Variants in CLIC5 observed in about 807,000 individuals in gnomAD.
CLIC5 encodes CLIC family member 5, also known as chloride intracellular channel protein 5.
In CLIC5, 20 loss-of-function variants were observed where a neutral mutation model predicts 24.7. The ratio of observed to expected loss-of-function variants is 0.81; its 90% CI spans 0.57 to 1.18. CLIC5 has a LOEUF of 1.18. Among genes scored for constraint, CLIC5 ranks in the 50% most tolerant of loss-of-function variants. The pLI is 0.00. For synonymous variants in CLIC5, 159 were observed against 135.6 expected, an observed-to-expected ratio of 1.17 and a Z score of -1.20; for missense variants, 341 against 326.1, an observed-to-expected ratio of 1.05 and a Z score of -0.35.
chr6:45,972,708 C>G (rs183872894), intron 1 of CLIC5, among the ~76,000 whole-genome samples: 1 of 152,152 alleles, frequency 6.6e-6, no homozygotes, highest in Admixed American at 6.6e-5. Context: ...TGATTTATGC[C>G]TCTTAGTGTT....
At chr6:45,908,321 GT>G in intron 5 of CLIC5, among the ~76,000 whole-genome samples, 1 of 152,052 alleles carries the variant, frequency 6.6e-6, no homozygotes, top group Non-Finnish European at 1.5e-5. Flanking sequence ...TAGCTTTGAG[GT>G]TAGTTTGTTC....
the CLIC5 span, among the ~76,000 whole-genome samples, chr6:46,095,960 T>C: frequency 6.6e-6 from 1 of 152,224 alleles, no homozygotes; most frequent in African/African-American, 2.4e-5. Flanking sequence ...AACAAATACC[T>C]GACATTGGGT....
downstream of CLIC5, among the ~76,000 whole-genome samples, chr6:45,898,025 C>T (rs116008208): frequency 0.011 from 1,714 of 150,342 alleles, 37 homozygotes; most frequent in African/African-American, 0.039. Flanking sequence ...TTGTGCTTTT[C>T]GTTTTCTTCT....
intron 1 of CLIC5, among the ~76,000 whole-genome samples, chr6:46,033,598 A>G (rs1767572613): frequency 6.6e-6 from 1 of 152,234 alleles, no homozygotes; most frequent in Non-Finnish European, 1.5e-5. Flanking sequence ...GGGCCCACAC[A>G]TGGGAAGACC....
chr6:46,108,032 C>CAAAAAAAAAAAAAAAA, the CLIC5 span, among the ~76,000 whole-genome samples: 7 of 33,306 alleles, frequency 2.1e-4, no homozygotes, highest in South Asian at 1.8e-3. Flanking sequence ...AAAACTCCAT[C>CAAAAAAAAAAAAAAAA]AAAAAAAAAA....
At chr6:45,955,463 A>C (rs1246124084) in intron 1 of CLIC5, among the ~76,000 whole-genome samples, 2 of 152,218 alleles carry the variant, frequency 1.3e-5, no homozygotes, top group Non-Finnish European at 2.9e-5. Flanking sequence ...GCTGAATTGA[A>C]CTTGATGATT....
intron 1 of CLIC5, among the ~76,000 whole-genome samples, chr6:45,963,846 A>G (rs1285713366): frequency 2.0e-5 from 3 of 152,180 alleles, no homozygotes; most frequent in Non-Finnish European, 4.4e-5. Flanking sequence ...AGGTTTTCTT[A>G]TAAGTCAGAC....
chr6:46,053,531 A>C (rs577978530), intron 1 of CLIC5, among the ~76,000 whole-genome samples: 1 of 152,288 alleles, frequency 6.6e-6, no homozygotes, highest in South Asian at 2.1e-4. Flanking sequence ...CTGCTAGATG[A>C]TCTCTGAAGT....
chr6:46,087,427 C>A, the CLIC5 span, among the ~76,000 whole-genome samples: 1 of 152,100 alleles, frequency 6.6e-6, no homozygotes, highest in Non-Finnish European at 1.5e-5. Context: ...GAACTAAATA[C>A]CCTCAAGCTT....
intron 1 of CLIC5, among the ~76,000 whole-genome samples, chr6:46,031,661 C>A (rs1562014599): frequency 1.3e-5 from 2 of 151,578 alleles, no homozygotes; most frequent in Admixed American, 6.6e-5. Flanking sequence ...CTTAAGTGAG[C>A]AAAGGATGTA....
chr6:46,073,647 G>T (rs1762683017), intron 1 of CLIC5, among the ~76,000 whole-genome samples: 2 of 152,164 alleles, frequency 1.3e-5, no homozygotes, highest in Admixed American at 6.5e-5. Flanking sequence ...ACTCTTGGTT[G>T]CTCTCAGGAT....
the CLIC5 span, among the ~76,000 whole-genome samples, chr6:46,107,306 G>A: frequency 6.6e-6 from 1 of 152,078 alleles, no homozygotes; most frequent in Non-Finnish European, 1.5e-5. Context: ...TAGATTTTGA[G>A]GTCTAGGCAA....
intron 5 of CLIC5, among the ~76,000 whole-genome samples, chr6:45,903,616 A>G (rs145540530): frequency 6.6e-6 from 1 of 152,360 alleles, no homozygotes; most frequent in African/African-American, 2.4e-5. Context: ...GAATACATAC[A>G]TTATCTTACA....
At chr6:45,974,015 A>G (rs1179649330) in intron 1 of CLIC5, among the ~76,000 whole-genome samples, 2 of 152,164 alleles carry the variant, frequency 1.3e-5, no homozygotes, top group African/African-American at 4.8e-5. Context: ...CATGAGTTTG[A>G]TTCTTATGTA....
chr6:45,993,336 A>G (rs984188981), intron 1 of CLIC5, among the ~76,000 whole-genome samples: 2 of 152,250 alleles, frequency 1.3e-5, no homozygotes, highest in Non-Finnish European at 2.9e-5. Flanking sequence ...AGCATGTTTA[A>G]TATTTTATAA....
In CLIC5 at chr6:46,015,533, A is replaced by T. The variant is rs908894670; in HGVS notation, c.10T>A (p.Ser4Thr). The T allele has an allele frequency of 1.3e-6, 2 of 1,578,056 alleles. No individual in the cohort carries two copies. Among genetic ancestry groups the T allele is most frequent in the Non-Finnish European group, 1.7e-6 (2 of 1,163,720 alleles). The change falls in exon 1 of 6, where the codon TCG becomes ACG. Residue 4 changes from serine to threonine, a missense_variant. By Grantham distance (58) the Ser-to-Thr change is moderately conservative. Transcript: ENST00000339561. The stretch of plus-strand genomic sequence containing the variant: ...CTGTCGTCCCCGTTAGCTGTCGCCG[A>T]GTCTGTCATGCCGTTGGCGCCCGGG... The part of the protein sequence containing the change: MTD[S>T]ATANGDDRDP...
chr6:46,111,181 C>CTTT, the CLIC5 span, among the ~76,000 whole-genome samples: 502 of 143,122 alleles, frequency 3.5e-3, 8 homozygotes, highest in East Asian at 0.03. Flanking sequence ...CAAACCTGTC[C>CTTT]TTTTTTTTTT....
At chr6:46,002,042 A>G (rs1352177150) in intron 1 of CLIC5, among the ~76,000 whole-genome samples, 1 of 152,112 alleles carries the variant, frequency 6.6e-6, no homozygotes, top group Non-Finnish European at 1.5e-5. Flanking sequence ...AATCAGCAGC[A>G]GCTTTATTCT....
chr6:45,881,307 G>A (rs979286882), intron 6 of CLIC5: 5 of 394,030 alleles, frequency 1.3e-5, no homozygotes, highest in Non-Finnish European at 2.2e-5. Flanking sequence ...AGTTATGTAT[G>A]TTAAAGCCCA....
Sources: gnomAD v4.1 joint callset for allele counts (sites outside exome capture counted in the v4.1 genomes callset) on GRCh38, gnomAD v4.1.1 for gene constraint, MANE v1.5 for transcripts, NCBI Gene and HGNC (gene_info 2026-07-23, HGNC 2026-07-21) for gene names.